Variants in DCC observed in about 807,000 individuals in gnomAD.
The protein encoded by DCC is netrin receptor DCC.
DCC carries 58 observed loss-of-function variants against 172.5 expected under a neutral mutation model. The ratio of observed to expected loss-of-function variants is 0.34; its 90% CI spans 0.27 to 0.42. The LOEUF (loss-of-function observed/expected upper bound fraction) is 0.42, where lower values mean the gene tolerates loss of function less well. Among genes scored for constraint, DCC ranks in the 10% least tolerant of loss-of-function variants. The pLI is 1.00. For missense variants in DCC, 1,740 were observed against 1,791.0 expected (o/e 0.97, Z 0.51); for synonymous variants, 709 against 644.5 (o/e 1.10, Z -1.52).
At chr18:53,066,004 T>C in intron 6 of DCC, 42 bp from the exon 7 acceptor site, 1 of 1,610,334 alleles carries the variant, frequency 6.2e-7, no homozygotes, top group East Asian at 2.2e-5. Flanking sequence ...CCTTGCATTT[T>C]TTGCTTTCTA....
chr18:52,856,556 G>T (rs1451552012), intron 2 of DCC, among the ~76,000 whole-genome samples: 4 of 144,708 alleles, frequency 2.8e-5, no homozygotes, highest in Non-Finnish European at 6.0e-5. Flanking sequence ...AACCCGGGAG[G>T]CGGAGCTTGC....
intron 2 of DCC, among the ~76,000 whole-genome samples, chr18:52,769,019 C>A (rs2037298427): frequency 6.6e-6 from 1 of 152,098 alleles, no homozygotes; most frequent in South Asian, 2.1e-4. Context: ...AAATGGAATT[C>A]CTTCAATAAA....
In DCC at chr18:52,396,522, G is replaced by T. The variant is rs570614537; in HGVS notation, c.91+55644G>T. ...AGATGACTGTTAGTTCCTGAAAGTC[G>T]CCCTGTGATTTAGTCCCGAGGTGGC... On this transcript the variant is annotated intron_variant, in intron 1 of 28. Transcript: ENST00000442544. 3.3e-5 allele frequency among the ~76,000 whole-genome samples: 5 copies of T among 151,994 alleles called. No homozygotes were observed. In the South Asian group the frequency reaches 1.0e-3, roughly 32 times the overall value.
intron 5 of DCC, among the ~76,000 whole-genome samples, chr18:53,031,150 T>C (rs186660206): frequency 2.1e-3 from 315 of 152,262 alleles, no homozygotes; most frequent in Non-Finnish European, 3.5e-3. Flanking sequence ...TCCCAGCTAC[T>C]TGGGAGGCTG....
At chr18:52,716,432 G>A (rs2036385719) in intron 1 of DCC, among the ~76,000 whole-genome samples, 1 of 152,188 alleles carries the variant, frequency 6.6e-6, no homozygotes, top group Non-Finnish European at 1.5e-5. Context: ...GGAAGCTCTT[G>A]AAGACATAAA....
At chr18:52,437,195 G>A (rs1309312814) in intron 1 of DCC, among the ~76,000 whole-genome samples, 2 of 152,144 alleles carry the variant, frequency 1.3e-5, no homozygotes, top group African/African-American at 2.4e-5. Flanking sequence ...ATGGCAAATT[G>A]CCAAATGGGG....
intron 1 of DCC, among the ~76,000 whole-genome samples, chr18:52,347,545 A>G (rs1568126370): frequency 6.6e-6 from 1 of 152,140 alleles, no homozygotes; most frequent in Non-Finnish European, 1.5e-5. Flanking sequence ...TATTTTGTCT[A>G]CATCTTGTGT....
chr18:53,365,513 A>G (rs955403732), intron 15 of DCC, among the ~76,000 whole-genome samples: 2 of 152,056 alleles, frequency 1.3e-5, no homozygotes, highest in Non-Finnish European at 2.9e-5. Flanking sequence ...ACTTAAACCC[A>G]TAGATGGGAG....
chr18:52,828,274 C>T (rs2038549377), intron 2 of DCC, among the ~76,000 whole-genome samples: 1 of 152,050 alleles, frequency 6.6e-6, no homozygotes, highest in Non-Finnish European at 1.5e-5. Context: ...ATATTGATTC[C>T]AGTTAAGCAT....
intron 5 of DCC, among the ~76,000 whole-genome samples, chr18:53,004,280 A>G (rs1398523487): frequency 1.3e-5 from 2 of 152,194 alleles, no homozygotes; most frequent in Non-Finnish European, 2.9e-5. Context: ...TTAGCCCTCT[A>G]TAATTTCACG....
At chr18:53,358,047 A>G (rs1335700990) in intron 15 of DCC, among the ~76,000 whole-genome samples, 1 of 152,084 alleles carries the variant, frequency 6.6e-6, no homozygotes, top group African/African-American at 2.4e-5. Context: ...TTTGATTGTA[A>G]ATGCTTCTTA....
At chr18:52,741,754 C>A (rs2036825185) in intron 1 of DCC, among the ~76,000 whole-genome samples, 1 of 152,136 alleles carries the variant, frequency 6.6e-6, no homozygotes, top group South Asian at 2.1e-4. Flanking sequence ...TCACTCCAAC[C>A]CAGCTATTCC....
At position 53,208,741 on chromosome 18, in the gene DCC, T is replaced by C. The variant is rs149665737; in HGVS notation, c.1861+924T>C. Among the ~76,000 whole-genome samples the C allele has an allele frequency of 1.8e-4, 28 of 152,248 alleles. No individual in the cohort carries two copies. In the East Asian group the frequency reaches 5.4e-3, roughly 29 times the overall value. On this transcript the variant is annotated intron_variant, in intron 11 of 28. Transcript: ENST00000442544. Reference sequence around the variant, plus strand: ...CTCAAGGGCTTTTCTTTTCTTTTCCTTTTTTGGAAACGGAGTCTCGCTCTG... The same window carrying C: ...CTCAAGGGCTTTTCTTTTCTTTTCCCTTTTTGGAAACGGAGTCTCGCTCTG...
intron 1 of DCC, among the ~76,000 whole-genome samples, chr18:52,601,494 C>T (rs548777907): frequency 2.6e-5 from 4 of 152,148 alleles, no homozygotes; most frequent in Non-Finnish European, 4.4e-5. Flanking sequence ...ATCTTGACTT[C>T]TACTTCCGAA....
chr18:53,113,409 G>A (rs8089270), intron 7 of DCC, among the ~76,000 whole-genome samples: 104,216 of 150,984 alleles, frequency 0.69, 37,763 homozygotes, highest in African/African-American at 0.9. Flanking sequence ...ACCCTCATTC[G>A]TGTCCCTTCT....
At position 53,205,354 on chromosome 18, in the gene DCC, G is replaced by A; in HGVS notation, c.1712G>A (p.Gly571Glu). ...TTGTTCTGCACTGAGGTGTCCACAGGAAAAGAACAGGTAGGTGAAGGAATG... is the reference window on the plus strand; with the variant it reads ...TTGTTCTGCACTGAGGTGTCCACAGAAAAAGAACAGGTAGGTGAAGGAATG... ...YRLFCTEVST[G>E]KEQNIEVDGL... Residue 571 changes from glycine (G) to glutamate (E), a missense_variant, in exon 10 of 29, where the codon GGA becomes GAA. By Grantham distance (98) the Gly-to-Glu change is moderately conservative. Around this residue, in one of 2 missense-constraint regions of DCC, gnomAD observed 1,732 missense variants for 1,767.4 expected, o/e 0.98. Transcript: ENST00000442544. The A allele has an allele frequency of 1.9e-6, 3 of 1,613,894 alleles. No individual in the cohort carries two copies. The highest frequency in any genetic ancestry group is 2.5e-6 in the Non-Finnish European group (3 of 1,179,874).
chr18:52,711,096 A>C (rs140364753), intron 1 of DCC, among the ~76,000 whole-genome samples: 1 of 152,324 alleles, frequency 6.6e-6, no homozygotes, highest in Non-Finnish European at 1.5e-5. Context: ...TATGCCAGTC[A>C]TTTTACACTG....
chr18:52,970,335 C>G (rs935136770), intron 5 of DCC, among the ~76,000 whole-genome samples: 25 of 152,060 alleles, frequency 1.6e-4, no homozygotes, highest in African/African-American at 5.5e-4. Context: ...GTTCAGAAGA[C>G]TGTAACATTT....
At position 52,802,643 on chromosome 18, in the gene DCC, CTTTTTTTTTTTTTTTTTTT is replaced by C. The variant is rs776080029; in HGVS notation, c.412+50291_412+50309del. On this transcript the variant is annotated intron_variant, in intron 2 of 28. Coordinates refer to ENST00000442544, the MANE Select transcript of DCC (RefSeq NM_005215.4). ...ACAGGTACACATCACCACGCCAAGC[CTTTTTTTTTTTTTTTTTTT>C]TTTTTTTTTTTTTTTTTTTTTAATG... Among the ~76,000 whole-genome samples, 211 of 38,196 alleles carry C rather than the reference CTTTTTTTTTTTTTTTTTTT, an allele frequency of 5.5e-3. 3 individuals are homozygous for C. The Middle Eastern group carries it at 0.069, about 12-fold the overall frequency. 25.1% of individuals were successfully genotyped at this position (38,196 alleles called of 152,430 possible). A position where few individuals can be genotyped will look rare whatever the true frequency, so the allele number is the denominator to read the frequency against.
Sources: gnomAD v4.1 joint callset for allele counts (sites outside exome capture counted in the v4.1 genomes callset) on GRCh38, gnomAD v4.1.1 for gene constraint, gnomAD v4.1.1 regional missense constraint, MANE v1.5 for transcripts, NCBI Gene and HGNC (gene_info 2026-07-23, HGNC 2026-07-21) for gene names.